The following GRIA2 variants were observed in gnomAD, a reference collection of about 807,000 sequenced individuals.
GRIA2 encodes the protein glutamate receptor 2.
GRIA2 carries 14 observed loss-of-function variants against 97.3 expected under a neutral mutation model. That is an observed-to-expected ratio of 0.14 (90% CI 0.10 to 0.23). The LOEUF (loss-of-function observed/expected upper bound fraction) is 0.23, where lower values mean the gene tolerates loss of function less well. GRIA2 is among the 10% of genes least tolerant of loss of function. The probability of loss-of-function intolerance (pLI) is 1.00; values close to 1 mark genes in which losing one functional copy is unlikely to be tolerated. For missense variants in GRIA2, 558 were observed against 1,069.8 expected (o/e 0.52, Z 6.67); for synonymous variants, 412 against 387.8 (o/e 1.06, Z -0.73).
At chr4:157,288,734 A>T (rs190815622) in intron 2 of GRIA2, among the ~76,000 whole-genome samples, 5 of 151,900 alleles carry the variant, frequency 3.3e-5, no homozygotes, top group Middle Eastern at 3.4e-3. Context: ...ATAGGTGGTT[A>T]TGTCTACCAA....
At chr4:157,230,582 C>CCTTT (rs1250252234) in intron 2 of GRIA2, among the ~76,000 whole-genome samples, 1 of 148,052 alleles carries the variant, frequency 6.8e-6, no homozygotes, top group South Asian at 2.2e-4. Flanking sequence ...TTCCTTCTTT[C>CCTTT]CTTCCTTCCT....
intron 2 of GRIA2, among the ~76,000 whole-genome samples, chr4:157,257,431 C>T (rs1731328156): frequency 6.6e-6 from 1 of 152,030 alleles, no homozygotes; most frequent in African/African-American, 2.4e-5. Flanking sequence ...GGTCTAACTG[C>T]TTACAAAGAT....
At chr4:157,276,986 A>G (rs1732348016) in intron 2 of GRIA2, among the ~76,000 whole-genome samples, 1 of 151,964 alleles carries the variant, frequency 6.6e-6, no homozygotes, top group African/African-American at 2.4e-5. Context: ...CAAATATTTA[A>G]GGAAGATATG....
At chr4:157,286,627 A>G (rs1732857104) in intron 2 of GRIA2, among the ~76,000 whole-genome samples, 1 of 146,880 alleles carries the variant, frequency 6.8e-6, no homozygotes, top group African/African-American at 2.6e-5. Flanking sequence ...AAAGTTTGTA[A>G]TTTTCTATGT....
chr4:157,240,525 C>G (rs1178368635), intron 2 of GRIA2, among the ~76,000 whole-genome samples: 1 of 152,004 alleles, frequency 6.6e-6, no homozygotes, highest in African/African-American at 2.4e-5. Flanking sequence ...CAGCACCCCA[C>G]TGGAGTTTTC....
intron 2 of GRIA2, among the ~76,000 whole-genome samples, chr4:157,272,335 G>A (rs775959590): frequency 3.3e-5 from 5 of 152,094 alleles, no homozygotes; most frequent in Middle Eastern, 3.4e-3. Context: ...ATCTAACACA[G>A]ATGCGAAGTC....
chr4:157,277,265 A>C (rs1186747992), intron 2 of GRIA2, among the ~76,000 whole-genome samples: 1 of 151,954 alleles, frequency 6.6e-6, no homozygotes, highest in African/African-American at 2.4e-5. Context: ...CTATCACATC[A>C]ACAAACTAAA....
intron 2 of GRIA2, among the ~76,000 whole-genome samples, chr4:157,240,865 C>A (rs1277796703): frequency 6.6e-6 from 1 of 151,606 alleles, no homozygotes; most frequent in Non-Finnish European, 1.5e-5. Context: ...CCCTCTCCCC[C>A]CACCCCACAA....
intron 2 of GRIA2, among the ~76,000 whole-genome samples, chr4:157,231,066 G>A (rs1177877150): frequency 6.6e-6 from 1 of 151,770 alleles, no homozygotes; most frequent in African/African-American, 2.4e-5. Context: ...CTGAGATGGA[G>A]TCTCGCTCTG....
intron 13 of GRIA2, chr4:157,360,741 G>T: frequency 1.0e-4 from 51 of 505,908 alleles, no homozygotes; most frequent in Middle Eastern, 3.0e-4. Context: ...TTATTTGTTT[G>T]TTGTGGATGT....
chr4:157,248,564 T>TAC (rs1730842987), intron 2 of GRIA2, among the ~76,000 whole-genome samples: 1 of 123,108 alleles, frequency 8.1e-6, no homozygotes, highest in African/African-American at 3.0e-5. Context: ...TATATATATA[T>TAC]ACGTGTGTAT....
intron 14 of GRIA2, chr4:157,362,501 A>G: frequency 3.5e-5 from 18 of 515,924 alleles, no homozygotes; most frequent in South Asian, 2.8e-4. Context: ...GAATATAACT[A>G]TTTATCAATT....
At chr4:157,343,009 A>G (rs4507408) in intron 12 of GRIA2, among the ~76,000 whole-genome samples, 149,775 of 152,188 alleles carry the variant, frequency 0.98, 73,739 homozygotes, top group Middle Eastern at 1. Context: ...TGCCAGAATT[A>G]TATGGCCAGT....
intron 8 of GRIA2, among the ~76,000 whole-genome samples, chr4:157,333,579 A>T (rs1735155279): frequency 6.6e-6 from 1 of 152,032 alleles, no homozygotes; most frequent in Non-Finnish European, 1.5e-5. Context: ...GTTGAACTTT[A>T]ATTTTTTAGA....
In GRIA2 at chr4:157,329,318, G is replaced by A. The variant is rs112701567; in HGVS notation, c.883-3501G>A. Among the ~76,000 whole-genome samples, 314 of 152,036 alleles carry A rather than the reference G, an allele frequency of 2.1e-3. 3 individuals carry two copies. Among genetic ancestry groups the A allele is most frequent in the African/African-American group, 7.1e-3 (295 of 41,516 alleles). ...TTAATATTGCATAAGATTCTCCAGA[G>A]GAATATCAATCAATGTATAAAAATT... On this transcript the variant is annotated intron_variant, in intron 6 of 15. Coordinates refer to ENST00000264426, the MANE Select transcript of GRIA2 (RefSeq NM_001083619.3).
At chr4:157,336,246 G>A in intron 10 of GRIA2, 131 bp from the exon 11 acceptor site, 1 of 747,500 alleles carries the variant, frequency 1.3e-6, no homozygotes, top group Non-Finnish European at 2.2e-6. Context: ...CCTTTACTGG[G>A]ACTATACCAA....
At chr4:157,335,479 T>C (rs1735239980) in intron 9 of GRIA2, 192 bp from the exon 10 acceptor site, 3 of 579,842 alleles carry the variant, frequency 5.2e-6, no homozygotes, top group South Asian at 4.1e-5. Context: ...TGAATTATAG[T>C]GATAGACATT....
chr4:157,303,037 G>T (rs746218738), intron 2 of GRIA2, among the ~76,000 whole-genome samples: 1 of 152,152 alleles, frequency 6.6e-6, no homozygotes. Flanking sequence ...GTGGGGACAT[G>T]CGTCTGTATT....
chr4:157,220,648 G>T, upstream of GRIA2: 1 of 57,618 alleles, frequency 1.7e-5, no homozygotes, highest in Non-Finnish European at 2.9e-5. Context: ...GTGTGCGTGT[G>T]TGTATGTGTG....
Sources: allele counts gnomAD v4.1 joint callset (sites outside exome capture counted in the v4.1 genomes callset), GRCh38; gene constraint gnomAD v4.1.1; transcripts MANE v1.5; gene names NCBI Gene and HGNC (gene_info 2026-07-23, HGNC 2026-07-21).